ATP9B: variants seen among roughly 807,000 people sequenced by gnomAD.
ATP9B encodes probable phospholipid-transporting ATPase IIB.
Under a neutral mutation model 146.1 loss-of-function variants are expected in ATP9B, and 110 were observed. That is an observed-to-expected ratio of 0.75 (90% CI 0.65 to 0.88). The LOEUF (loss-of-function observed/expected upper bound fraction) is 0.88. ATP9B is among the 40% of genes least tolerant of loss of function. The pLI is 0.00. For missense variants in ATP9B, 1,499 were observed against 1,496.4 expected, an observed-to-expected ratio of 1.00 and a Z score of -0.03; for synonymous variants, 604 against 569.7, an observed-to-expected ratio of 1.06 and a Z score of -0.86.
At chr18:79,314,942 A>G (rs77636712) in intron 15 of ATP9B, among the ~76,000 whole-genome samples, 4,907 of 152,328 alleles carry the variant, frequency 0.032, 120 homozygotes, top group Non-Finnish European at 0.042. Context: ...GTGGGGTGGA[A>G]GGAACTTTGA....
intron 1 of ATP9B, among the ~76,000 whole-genome samples, chr18:79,088,493 TATA>T (rs1224867105): frequency 6.6e-6 from 1 of 152,222 alleles, no homozygotes; most frequent in African/African-American, 2.4e-5. Context: ...TTGCCTAAAT[TATA>T]ATGAAACTTG....
At chr18:79,336,213 GCCA>G in intron 17 of ATP9B, among the ~76,000 whole-genome samples, 1 of 139,648 alleles carries the variant, frequency 7.2e-6, no homozygotes, top group Non-Finnish European at 1.6e-5. Context: ...CCCCAGCACC[GCCA>G]TGTGCACCCT....
intron 8 of ATP9B, among the ~76,000 whole-genome samples, chr18:79,189,335 A>C (rs1329101516): frequency 6.8e-6 from 1 of 147,506 alleles, no homozygotes; most frequent in Non-Finnish European, 1.5e-5. Context: ...CGACAGAGCG[A>C]GACTCCATCA....
intron 16 of ATP9B, 122 bp downstream of exon 16, chr18:79,329,424 T>G: frequency 8.4e-7 from 1 of 1,184,424 alleles, no homozygotes; most frequent in Admixed American, 3.0e-5. Context: ...TGTTACAGTT[T>G]TGTTTGTTTT....
At chr18:79,150,353 C>T (rs1472161557) in intron 6 of ATP9B, among the ~76,000 whole-genome samples, 1 of 151,984 alleles carries the variant, frequency 6.6e-6, no homozygotes, top group East Asian at 1.9e-4. Flanking sequence ...CCAACAGTTG[C>T]ACTCCTGGAC....
chr18:79,188,718 AG>A (rs2095332580), intron 8 of ATP9B, among the ~76,000 whole-genome samples: 1 of 152,228 alleles, frequency 6.6e-6, no homozygotes, highest in Admixed American at 6.5e-5. Flanking sequence ...AGACCTTGGT[AG>A]ATGAGTAGTT....
chr18:79,355,148 A>T (rs372164048), intron 25 of ATP9B, among the ~76,000 whole-genome samples: 29 of 152,330 alleles, frequency 1.9e-4, no homozygotes, highest in Non-Finnish European at 4.0e-4. Context: ...AGCAGCAAAA[A>T]CAGCGCCCTC....
chr18:79,259,560 G>A (rs1257379998), intron 12 of ATP9B, among the ~76,000 whole-genome samples: 1 of 152,236 alleles, frequency 6.6e-6, no homozygotes, highest in African/African-American at 2.4e-5. Context: ...GGTGAAGGGT[G>A]TTTGTGTGGC....
intron 12 of ATP9B, among the ~76,000 whole-genome samples, chr18:79,268,821 C>T (rs1393953498): frequency 1.3e-5 from 2 of 152,138 alleles, no homozygotes; most frequent in Non-Finnish European, 2.9e-5. Context: ...GCTTTTGATG[C>T]TGGTCTGTTC....
chr18:79,085,267 C>G (rs984071022), intron 1 of ATP9B: 3 of 152,214 alleles, frequency 2.0e-5, no homozygotes, highest in Non-Finnish European at 1.5e-5. Context: ...CACCCCCTAC[C>G]CCATGATTCA....
chr18:79,351,251 T>G (rs1359249747), intron 25 of ATP9B, among the ~76,000 whole-genome samples: 3 of 152,244 alleles, frequency 2.0e-5, no homozygotes, highest in Non-Finnish European at 2.9e-5. Context: ...GAGATTATTC[T>G]TTAAAGAACT....
rs1185354068 is a variant in ATP9B, at chr18:79,154,452, T to C, written c.727-52T>C. ...TTTCTTATTTGGAATGGAATTGTGT[T>C]AATTTGTAAACCTGCATATAGATAA... is the stretch of plus-strand genomic sequence containing the variant. On this transcript the variant is annotated intron_variant, in intron 6 of 29. Coordinates refer to ENST00000426216, the MANE Select transcript of ATP9B (RefSeq NM_198531.5). 15 of 1,298,038 alleles carry C rather than the reference T, an allele frequency of 1.2e-5. No homozygotes were observed. In the East Asian group the frequency reaches 1.6e-4, roughly 14 times the overall value. 80.4% of individuals were successfully genotyped at this position (1,298,038 alleles called of 1,614,324 possible).
At chr18:79,203,646 C>A (rs919194037) in intron 9 of ATP9B, among the ~76,000 whole-genome samples, 1 of 152,138 alleles carries the variant, frequency 6.6e-6, no homozygotes, top group Non-Finnish European at 1.5e-5. Context: ...TGCTCTGATA[C>A]AATAAAATTC....
chr18:79,336,790 T>C (rs2096829521), intron 18 of ATP9B, 79 bp downstream of exon 18: 1 of 1,438,106 alleles, frequency 7.0e-7, no homozygotes, highest in Non-Finnish European at 9.6e-7. Context: ...TGTCTTTGTA[T>C]GAAATTAGAG....
intron 8 of ATP9B, among the ~76,000 whole-genome samples, chr18:79,189,006 G>C (rs1600286225): frequency 6.6e-6 from 1 of 151,726 alleles, no homozygotes; most frequent in Non-Finnish European, 1.5e-5. Context: ...TTAACTAAAA[G>C]TGTATTGTGA....
intron 2 of ATP9B, among the ~76,000 whole-genome samples, chr18:79,104,390 C>T (rs2075513429): frequency 6.6e-6 from 1 of 152,114 alleles, no homozygotes. Context: ...GGTGGGGACT[C>T]TTCACAGACC....
chr18:79,133,768 GCTT>G (rs934771270), intron 5 of ATP9B, among the ~76,000 whole-genome samples: 1 of 152,178 alleles, frequency 6.6e-6, no homozygotes, highest in Admixed American at 6.5e-5. Context: ...TCTCACCAGT[GCTT>G]CTAACCAGGG....
intron 27 of ATP9B, among the ~76,000 whole-genome samples, chr18:79,373,210 T>C (rs2097082754): frequency 6.6e-6 from 1 of 152,252 alleles, no homozygotes; most frequent in Non-Finnish European, 1.5e-5. Flanking sequence ...ATCTGAGTTA[T>C]GTAAGGAGAA....
chr18:79,082,907 C>G (rs2073417372), intron 1 of ATP9B, among the ~76,000 whole-genome samples: 1 of 152,220 alleles, frequency 6.6e-6, no homozygotes, highest in Non-Finnish European at 1.5e-5. Context: ...AGGAGGCAGT[C>G]TGTCCCTTAG....
Sources: allele counts gnomAD v4.1 joint callset (sites outside exome capture counted in the v4.1 genomes callset), GRCh38; gene constraint gnomAD v4.1.1; transcripts MANE v1.5; gene names NCBI Gene and HGNC (gene_info 2026-07-23, HGNC 2026-07-21).